The following RNF150 variants were observed in gnomAD, a reference collection of about 807,000 sequenced individuals.
RNF150 encodes the protein ring finger protein 150.
Under a neutral mutation model 39.3 loss-of-function variants are expected in RNF150, and 24 were observed. The ratio of observed to expected loss-of-function variants is 0.61; its 90% CI spans 0.44 to 0.86. The LOEUF (loss-of-function observed/expected upper bound fraction) is 0.86. Among genes scored for constraint, RNF150 ranks in the 40% least tolerant of loss-of-function variants. The probability of loss-of-function intolerance (pLI) is 0.00; values close to 1 mark genes in which losing one functional copy is unlikely to be tolerated. For synonymous variants in RNF150, 255 were observed against 227.3 expected, an observed-to-expected ratio of 1.12 and a Z score of -1.10; for missense variants, 502 against 587.8, an observed-to-expected ratio of 0.85 and a Z score of 1.51.
At chr4:141,143,099 A>G (rs1727148360) in intron 1 of RNF150, among the ~76,000 whole-genome samples, 1 of 152,030 alleles carries the variant, frequency 6.6e-6, no homozygotes. Flanking sequence ...CAAACTCCTG[A>G]GCTCAGGCTA....
intron 1 of RNF150, among the ~76,000 whole-genome samples, chr4:141,028,977 T>C (rs910070054): frequency 8.5e-5 from 13 of 152,194 alleles, no homozygotes; most frequent in Non-Finnish European, 1.5e-5. Context: ...TTTATTAAGA[T>C]ATGCTATAAT....
chr4:141,072,803 T>G (rs1396384925), intron 1 of RNF150, among the ~76,000 whole-genome samples: 1 of 152,162 alleles, frequency 6.6e-6, no homozygotes, highest in African/African-American at 2.4e-5. Context: ...AGCATCATAT[T>G]CAGTCTGGCT....
At chr4:141,035,910 A>C (rs11100699) in intron 1 of RNF150, among the ~76,000 whole-genome samples, 18,832 of 152,188 alleles carry the variant, frequency 0.12, 1,221 homozygotes, top group Admixed American at 0.16. Flanking sequence ...ATAACACGAC[A>C]TAACATGGCA....
At chr4:141,160,976 A>G (rs1039210077) in intron 1 of RNF150, among the ~76,000 whole-genome samples, 4 of 152,356 alleles carry the variant, frequency 2.6e-5, no homozygotes, top group East Asian at 3.9e-4. Context: ...GGAGTAAGGC[A>G]TTGCTATAAG....
intron 6 of RNF150, among the ~76,000 whole-genome samples, chr4:140,885,906 A>T (rs1729554024): frequency 6.6e-6 from 1 of 152,108 alleles, no homozygotes; most frequent in African/African-American, 2.4e-5. Context: ...ACCTAGCTTG[A>T]GCTTCTTTTT....
At chr4:141,109,057 T>C (rs1013654066) in intron 1 of RNF150, among the ~76,000 whole-genome samples, 2 of 152,216 alleles carry the variant, frequency 1.3e-5, no homozygotes, top group Non-Finnish European at 2.9e-5. Flanking sequence ...ATAATCCATG[T>C]TAACGCTCAG....
At chr4:141,027,935 T>G (rs868244121) in intron 1 of RNF150, among the ~76,000 whole-genome samples, 19,346 of 122,574 alleles carry the variant, frequency 0.16, 2,237 homozygotes, top group East Asian at 0.48. Context: ...TGTTTTTTTT[T>G]TTTTTTTTTT....
intron 1 of RNF150, among the ~76,000 whole-genome samples, chr4:141,194,637 T>C (rs1728168302): frequency 6.6e-6 from 1 of 152,202 alleles, no homozygotes; most frequent in Non-Finnish European, 1.5e-5. Flanking sequence ...ATGCTTGTTT[T>C]TCCTCACACA....
chr4:140,969,224 T>C lies in RNF150; in HGVS notation c.485-1351A>G, dbSNP rs150729106. ...TTAAATTCCTTGATGGTGTTTCACT[T>C]AGGCTGAACAACTACTTTAAAACTA... On this transcript the variant is annotated intron_variant, in intron 1 of 6. Coordinates refer to ENST00000515673, the MANE Select transcript of RNF150 (RefSeq NM_020724.2). Among the ~76,000 whole-genome samples, 1,080 of 152,248 alleles carry C rather than the reference T, an allele frequency of 7.1e-3. 8 individuals are homozygous for C. Among genetic ancestry groups the C allele is most frequent in the Non-Finnish European group, 0.012 (819 of 67,996 alleles).
chr4:141,105,059 G>A (rs1196152206), intron 1 of RNF150, among the ~76,000 whole-genome samples: 1 of 152,108 alleles, frequency 6.6e-6, no homozygotes, highest in East Asian at 1.9e-4. Flanking sequence ...CTATTTAGGA[G>A]GTTAAATTTA....
chr4:141,062,212 A>G (rs1737259026), intron 1 of RNF150, among the ~76,000 whole-genome samples: 1 of 152,162 alleles, frequency 6.6e-6, no homozygotes, highest in African/African-American at 2.4e-5. Flanking sequence ...TGTTTCTTCA[A>G]TGCATGAAAT....
chr4:141,192,877 C>T (rs554194860), intron 1 of RNF150, among the ~76,000 whole-genome samples: 9 of 152,220 alleles, frequency 5.9e-5, no homozygotes, highest in Non-Finnish European at 1.0e-4. Context: ...AAGCTTCCAA[C>T]TCAGGGCCTT....
At chr4:140,932,439 GC>G (rs1731684816) in intron 4 of RNF150, among the ~76,000 whole-genome samples, 1 of 152,156 alleles carries the variant, frequency 6.6e-6, no homozygotes, top group Admixed American at 6.5e-5. Flanking sequence ...GAAGGCTGAA[GC>G]TCATTAAAGT....
At chr4:141,188,808 G>T (rs116680721) in intron 1 of RNF150, among the ~76,000 whole-genome samples, 2,372 of 152,136 alleles carry the variant, frequency 0.016, 60 homozygotes, top group African/African-American at 0.054. Context: ...TTGCTTCCTT[G>T]CTTTGGGCTA....
intron 1 of RNF150, among the ~76,000 whole-genome samples, chr4:141,130,130 A>G (rs1726854199): frequency 6.6e-6 from 1 of 152,250 alleles, no homozygotes; most frequent in South Asian, 2.1e-4. Context: ...AGCTTTCAAG[A>G]TCTGGACTAC....
intron 1 of RNF150, among the ~76,000 whole-genome samples, chr4:141,033,941 T>C (rs1346299942): frequency 6.6e-6 from 1 of 152,158 alleles, no homozygotes; most frequent in Admixed American, 6.6e-5. Flanking sequence ...GGGGCTAGGA[T>C]CTTCAGAATG....
intron 1 of RNF150, among the ~76,000 whole-genome samples, chr4:141,206,045 C>T (rs898081067): frequency 6.6e-6 from 1 of 152,158 alleles, no homozygotes; most frequent in Non-Finnish European, 1.5e-5. Context: ...CTTCCTAAAG[C>T]CACCTTGGGG....
chr4:141,053,527 G>A (rs1489374233), intron 1 of RNF150: 9 of 431,468 alleles, frequency 2.1e-5, no homozygotes, highest in Non-Finnish European at 3.2e-5. Flanking sequence ...AAGCATTTAG[G>A]CAGGGCTCAA....
intron 1 of RNF150, among the ~76,000 whole-genome samples, chr4:141,210,881 GC>G (rs1311308442): frequency 2.0e-5 from 3 of 151,898 alleles, no homozygotes; most frequent in Non-Finnish European, 4.4e-5. Flanking sequence ...ATTATCTGAG[GC>G]CATAGTCCTT....
Sources: gnomAD v4.1 joint callset for allele counts (sites outside exome capture counted in the v4.1 genomes callset) on GRCh38, gnomAD v4.1.1 for gene constraint, MANE v1.5 for transcripts, NCBI Gene and HGNC (gene_info 2026-07-23, HGNC 2026-07-21) for gene names.